The following CCDC9B variants were observed in gnomAD, a reference collection of about 807,000 sequenced individuals.
CCDC9B encodes the protein coiled-coil domain containing 9B, also known as coiled-coil domain-containing protein 9B.
Under a neutral mutation model 47.2 loss-of-function variants are expected in CCDC9B, and 40 were observed. The ratio of observed to expected loss-of-function variants is 0.85; its 90% CI spans 0.66 to 1.10. CCDC9B has a LOEUF of 1.10. CCDC9B is among the 50% of genes least tolerant of loss of function. The pLI, the probability that CCDC9B is intolerant of heterozygous loss-of-function variation, is 0.00. For synonymous variants in CCDC9B, 238 were observed against 250.7 expected, an observed-to-expected ratio of 0.95 and a Z score of 0.48; for missense variants, 662 against 651.0, an observed-to-expected ratio of 1.02 and a Z score of -0.18.
At chr15:40,336,066 C>T (rs140689101) in intron 9 of CCDC9B, 10,969 of 985,342 alleles carry the variant, frequency 0.011, 76 homozygotes, top group Non-Finnish European at 0.012. Context: ...GGAGGGGCCT[C>T]CACCTCCTCT....
intron 6 of CCDC9B, 22 bp from the exon 7 acceptor site, chr15:40,337,468 G>C (rs1888987787): frequency 1.3e-6 from 2 of 1,534,032 alleles, no homozygotes. Flanking sequence ...GAGGGAGTCA[G>C]GTTGCTGGTG....
chr15:40,339,665 C>A (rs751897613), intron 2 of CCDC9B, 46 bp from the exon 3 acceptor site: 1 of 1,608,050 alleles, frequency 6.2e-7, no homozygotes, highest in Non-Finnish European at 8.5e-7. Context: ...CCCCCAGGTG[C>A]ACAGAGACAT....
rs572535070 is a variant in CCDC9B at position 40,338,644 on chromosome 15, C to T, written c.404G>A (p.Ser135Asn). ...GTTCCTTGCTCTGGTAGGCTTTTCA[C>T]TTACAATCCGTTTGCCCTGGGGAGG... is the stretch of plus-strand genomic sequence containing the variant. ...ENKAEGKRIV[S>N]EKPTRARNQG... Residue 135 changes from serine (S) to asparagine (N), a missense_variant, in exon 5 of 11, where the codon AGT (serine) becomes AAT (asparagine). By Grantham distance (46) the Ser-to-Asn change is conservative. Transcript: ENST00000397536. 15 of 1,614,020 alleles carry T rather than the reference C, an allele frequency of 9.3e-6. No individual in the cohort carries two copies. Among genetic ancestry groups the T allele is most frequent in the Non-Finnish European group, 1.3e-5 (15 of 1,180,010 alleles).
Position 40,334,933 on chromosome 15 carries a change from G to A in CCDC9B, c.*225C>T. On this transcript the variant is annotated 3_prime_UTR_variant, in exon 11 of 11. Transcript: ENST00000397536. ...ATACTAGTACAGGAATACACCAGGG[G>A]CTGTGCCCGTGCGTGAAAACACACA... is the stretch of plus-strand genomic sequence containing the variant. 2.4e-6 allele frequency: 1 copy of A among 416,438 alleles called. No individual in the cohort carries two copies. Among genetic ancestry groups the A allele is most frequent in the Non-Finnish European group, 4.3e-6 (1 of 234,074 alleles). 25.8% of individuals were successfully genotyped at this position (416,438 alleles called of 1,614,324 possible). A position where few individuals can be genotyped will look rare whatever the true frequency, so the allele number is the denominator to read the frequency against.
At position 40,340,911 on chromosome 15, in the gene CCDC9B, G is replaced by A. The variant is rs771757279; in HGVS notation, c.-92C>T. 7 of 1,607,978 alleles carry A rather than the reference G, an allele frequency of 4.4e-6. No individual in the cohort carries two copies. The Admixed American group carries it at 1.0e-4, about 23-fold the overall frequency. On this transcript the variant is annotated 5_prime_UTR_variant, in exon 1 of 11. Coordinates refer to ENST00000397536, the MANE Select transcript of CCDC9B (RefSeq NM_207380.3). ...AGCCACCGGAGCCGGGCCTCTGCCGGCCTCTCCCTGCCGGCTTCGCTGCTC... is the reference window on the plus strand; with the variant it reads ...AGCCACCGGAGCCGGGCCTCTGCCGACCTCTCCCTGCCGGCTTCGCTGCTC...
intron 9 of CCDC9B, 147 bp from the exon 10 acceptor site, chr15:40,335,973 G>A (rs756958504): frequency 3.3e-6 from 5 of 1,494,374 alleles, no homozygotes; most frequent in Non-Finnish European, 4.5e-6. Context: ...ACTGAGCAGT[G>A]GAGAAATCCC....
At chr15:40,339,800 C>T in intron 2 of CCDC9B, 105 bp downstream of exon 2, 1 of 1,404,682 alleles carries the variant, frequency 7.1e-7, no homozygotes, top group Non-Finnish European at 9.8e-7. Flanking sequence ...ACCCCTGGCC[C>T]CAGCCCCAGA....
chr15:40,336,543 C>T (rs200667931), intron 9 of CCDC9B, 31 bp downstream of exon 9: 132 of 1,606,204 alleles, frequency 8.2e-5, no homozygotes, highest in Middle Eastern at 6.8e-4. Context: ...CCCACATGCC[C>T]GTCTTGATTT....
Position 40,333,715 on chromosome 15 carries a change from TG to T in CCDC9B, c.*1442del. Reference sequence around the variant, plus strand: ...CCCCTCACCTTCCTGAATAGAGGGGTGGGGTGGAGTTGAGAGCCAGTGAGGA... The same window carrying T: ...CCCCTCACCTTCCTGAATAGAGGGGTGGGTGGAGTTGAGAGCCAGTGAGGA... On this transcript the variant is annotated 3_prime_UTR_variant, in exon 11 of 11. Transcript: ENST00000397536. 4.4e-6 allele frequency: 3 copies of T among 675,554 alleles called. No individual in the cohort carries two copies. Among genetic ancestry groups the T allele is most frequent in the Non-Finnish European group, 5.5e-6 (3 of 549,998 alleles). 41.8% of individuals were successfully genotyped at this position (675,554 alleles called of 1,614,324 possible). A position where few individuals can be genotyped will look rare whatever the true frequency, so the allele number is the denominator to read the frequency against.
Position 40,334,810 on chromosome 15 carries a change from T to C in CCDC9B, c.*348A>G, listed in dbSNP as rs553892094. The C allele has an allele frequency of 5.2e-6, 1 of 190,532 alleles. No individual in the cohort carries two copies. Among genetic ancestry groups the C allele is most frequent in the Admixed American group, 6.1e-5 (1 of 16,336 alleles). The allele number at this position is 190,532 out of a possible 1,614,324, so 11.8% of individuals were successfully genotyped here. ...ACGGGGAGCCAGGAGAGCCAGGTGC[T>C]GGGTGCCACCAAGCCTTGTTCTCTC... On this transcript the variant is annotated 3_prime_UTR_variant, in exon 11 of 11. Transcript: ENST00000397536.
Position 40,340,001 on chromosome 15 carries a change from G to C in CCDC9B, c.27C>G (p.Ala9=), listed in dbSNP as rs775772280. MHSAGTPR[A]ESPMSRQEKD... ...TCTCCTGCCTGCTCATGGGGGACTC[G>C]GCTCTGGGAGTTCCCTGCAGAGGCA... is the stretch of plus-strand genomic sequence containing the variant. The change falls in exon 2 of 11, where the codon GCC becomes GCG. Residue 9 remains alanine (A), a synonymous_variant. Coordinates refer to ENST00000397536, the MANE Select transcript of CCDC9B (RefSeq NM_207380.3). 1 of 1,612,394 alleles carries C rather than the reference G, an allele frequency of 6.2e-7. No individual in the cohort carries two copies. The highest frequency in any genetic ancestry group is 1.7e-5 in the Admixed American group (1 of 59,994).
chr15:40,338,594 C>T lies in CCDC9B; in HGVS notation c.454G>A (p.Gly152Arg). The change falls in exon 5 of 11, where the codon GGG becomes AGG. Residue 152 changes from glycine (G) to arginine (R), a missense_variant. By Grantham distance (125) the Gly-to-Arg change is moderately radical (BLOSUM62 -2). Coordinates refer to ENST00000397536, the MANE Select transcript of CCDC9B (RefSeq NM_207380.3). ...GTGGGGGGGCTTCGGGTCACACGCC[C>T]TCCAGGTGACCCCTCTATGCCTTGG... Reference protein sequence around the residue: ...RNQGIEGSPGGRVTRSPPTQV... With the variant: ...RNQGIEGSPGRRVTRSPPTQV... 1 of 1,614,140 alleles carries T rather than the reference C, an allele frequency of 6.2e-7. No individual in the cohort carries two copies. Among genetic ancestry groups the T allele is most frequent in the Non-Finnish European group, 8.5e-7 (1 of 1,179,982 alleles).
In CCDC9B at chr15:40,337,711, C is replaced by A. The variant is rs1257160314; in HGVS notation, c.683+13G>T. 20 of 1,581,608 alleles carry A rather than the reference C, an allele frequency of 1.3e-5. No homozygotes were observed. The highest frequency in any genetic ancestry group is 6.7e-5 in the East Asian group (3 of 44,666). On this transcript the variant is annotated intron_variant, in intron 6 of 10. Transcript: ENST00000397536. ...CCCGCACCACAGGCAACCTGCCCAA[C>A]CCAGCCACCCACGTGGACTTGGCCT...
chr15:40,340,764 C>G, intron 1 of CCDC9B, 44 bp downstream of exon 1: 1 of 1,578,140 alleles, frequency 6.3e-7, no homozygotes, highest in Non-Finnish European at 8.6e-7. Context: ...CCAGCCCCCT[C>G]CCAGTCCCAA....
At chr15:40,339,672 A>C (rs1288195819) in intron 2 of CCDC9B, 53 bp from the exon 3 acceptor site, 7 of 1,606,132 alleles carry the variant, frequency 4.4e-6, no homozygotes, top group African/African-American at 1.3e-5. Flanking sequence ...GTGCACAGAG[A>C]CATAGATGCT....
intron 1 of CCDC9B, 92 bp downstream of exon 1, chr15:40,340,716 T>C: frequency 8.1e-7 from 1 of 1,235,580 alleles, no homozygotes; most frequent in Non-Finnish European, 1.1e-6. Flanking sequence ...CAGCCCCAGC[T>C]GTCCCCAGCT....
Position 40,335,310 on chromosome 15 carries a change from G to C in CCDC9B, c.1321C>G (p.Pro441Ala). 6.2e-7 allele frequency: 1 copy of C among 1,613,416 alleles called. No individual in the cohort carries two copies. Among genetic ancestry groups the C allele is most frequent in the Non-Finnish European group, 8.5e-7 (1 of 1,179,702 alleles). ...CCAGACCTGTCTTCTCCGGGCTCTG[G>C]GAGCCCTGCTCCTCTCTGTGGCTCA... is the stretch of plus-strand genomic sequence containing the variant. ...CPEPQRGAGL[P>A]EPGEDRSGKS... Residue 441 changes from proline (P) to alanine (A), a missense_variant, in exon 11 of 11, where the codon CCA becomes GCA. Pro to Ala is a conservative substitution (Grantham distance 27). Transcript: ENST00000397536.
Position 40,340,911 on chromosome 15 carries a change from G to T in CCDC9B, c.-92C>A, listed in dbSNP as rs771757279. The stretch of plus-strand genomic sequence containing the variant: ...AGCCACCGGAGCCGGGCCTCTGCCG[G>T]CCTCTCCCTGCCGGCTTCGCTGCTC... On this transcript the variant is annotated 5_prime_UTR_variant, in exon 1 of 11. Transcript: ENST00000397536. 6.2e-7 allele frequency: 1 copy of T among 1,608,096 alleles called. No homozygotes were observed.
chr15:40,339,983 C>A lies in CCDC9B; in HGVS notation c.45G>T (p.Arg15Ser), dbSNP rs559825173. ...GATCCAGCTCTGCGTCCTTCTCCTGCCTGCTCATGGGGGACTCGGCTCTGG... is the reference window on the plus strand; with the variant it reads ...GATCCAGCTCTGCGTCCTTCTCCTGACTGCTCATGGGGGACTCGGCTCTGG... ...GTPRAESPMS[R>S]QEKDAELDRR... Residue 15 changes from arginine to serine, a missense_variant, in exon 2 of 11, where the codon AGG (arginine) becomes AGT (serine). Transcript: ENST00000397536. The A allele has an allele frequency of 2.2e-5, 36 of 1,613,606 alleles. No individual in the cohort carries two copies. The highest frequency in any genetic ancestry group is 2.8e-5 in the Non-Finnish European group (33 of 1,179,926).
Sources: allele counts gnomAD v4.1 joint callset, GRCh38; gene constraint gnomAD v4.1.1; transcripts MANE v1.5; gene names NCBI Gene and HGNC (gene_info 2026-07-23, HGNC 2026-07-21).